Variants in ERG observed in about 807,000 individuals in gnomAD.
The protein encoded by ERG is ETS transcription factor ERG.
A neutral mutation model predicts 55.3 loss-of-function variants in ERG; 9 were observed. That is an observed-to-expected ratio of 0.16 (90% CI 0.10 to 0.28). The LOEUF (loss-of-function observed/expected upper bound fraction) is 0.28, where lower values mean the gene tolerates loss of function less well. ERG is among the 10% of genes least tolerant of loss of function. The pLI is 1.00. For synonymous variants in ERG, 223 were observed against 237.3 expected, an observed-to-expected ratio of 0.94 and a Z score of 0.55; for missense variants, 434 against 631.6, an observed-to-expected ratio of 0.69 and a Z score of 3.35.
At position 38,632,414 on chromosome 21, in the gene ERG, C is replaced by T. The variant is rs575550609; in HGVS notation, c.-150+29244G>A. On this transcript the variant is annotated intron_variant, in intron 1 of 10. Transcript: ENST00000398910. ...GTAGAGGAGGTAGAACCCTTATGCA[C>T]TGTTGATGGGTGATAGGGTTTGGAT... Among the ~76,000 whole-genome samples, 34 of 152,234 alleles carry T rather than the reference C, an allele frequency of 2.2e-4. 1 individual carries two copies. Among genetic ancestry groups the T allele is most frequent in the African/African-American group, 7.2e-4 (30 of 41,512 alleles).
intron 1 of ERG, among the ~76,000 whole-genome samples, chr21:38,487,962 T>C (rs1478467814): frequency 2.6e-5 from 4 of 152,132 alleles, no homozygotes; most frequent in Non-Finnish European, 5.9e-5. Context: ...ATTCGTGCAA[T>C]AACATCTACG....
At chr21:38,553,630 A>G (rs1326711967) in intron 2 of ERG, among the ~76,000 whole-genome samples, 2 of 152,222 alleles carry the variant, frequency 1.3e-5, no homozygotes, top group East Asian at 3.8e-4. Flanking sequence ...AGCTAGCCAT[A>G]TGCAGAAGAT....
At chr21:38,487,218 A>G (rs942186717) in intron 1 of ERG, among the ~76,000 whole-genome samples, 13 of 150,694 alleles carry the variant, frequency 8.6e-5, no homozygotes, top group Non-Finnish European at 1.8e-4. Flanking sequence ...ATTATTCTTT[A>G]AAAAGGATAC....
chr21:38,588,473 T>C (rs2060080523), upstream of ERG, among the ~76,000 whole-genome samples: 1 of 152,196 alleles, frequency 6.6e-6, no homozygotes, highest in African/African-American at 2.4e-5. Flanking sequence ...TGGCCAAAGC[T>C]GAACACATCT....
intron 1 of ERG, among the ~76,000 whole-genome samples, chr21:38,493,044 T>A (rs1415871629): frequency 6.6e-6 from 1 of 152,188 alleles, no homozygotes; most frequent in African/African-American, 2.4e-5. Context: ...GGAGAACTGG[T>A]ATAATCCTTC....
chr21:38,631,362 A>T (rs1459719397), intron 1 of ERG, among the ~76,000 whole-genome samples: 2 of 151,188 alleles, frequency 1.3e-5, no homozygotes, highest in Non-Finnish European at 3.0e-5. Flanking sequence ...AATTTGGTTG[A>T]AAAAAAAAGG....
At chr21:38,485,461 CTTTT>C (rs34211335) in intron 1 of ERG, among the ~76,000 whole-genome samples, 1 of 130,386 alleles carries the variant, frequency 7.7e-6, no homozygotes, top group African/African-American at 2.8e-5. Context: ...AATATACAGT[CTTTT>C]TTTTTTTTTT....
At chr21:38,648,205 C>A (rs1213996131) in intron 1 of ERG, among the ~76,000 whole-genome samples, 1 of 152,184 alleles carries the variant, frequency 6.6e-6, no homozygotes, top group Non-Finnish European at 1.5e-5. Flanking sequence ...GCAAACGTAA[C>A]TAATTCTGAT....
chr21:38,599,426 AG>A (rs1302368757), intron 1 of ERG, among the ~76,000 whole-genome samples: 2 of 152,190 alleles, frequency 1.3e-5, no homozygotes, highest in Non-Finnish European at 2.9e-5. Flanking sequence ...TCCATGAACA[AG>A]GGGCAGCTTT....
chr21:38,521,606 G>A (rs1221659014), intron 2 of ERG, among the ~76,000 whole-genome samples: 1 of 152,138 alleles, frequency 6.6e-6, no homozygotes, highest in Non-Finnish European at 1.5e-5. Context: ...TAAAATGAGA[G>A]AGGAACCTGG....
intron 1 of ERG, among the ~76,000 whole-genome samples, chr21:38,590,784 G>T (rs954959449): frequency 6.6e-6 from 1 of 152,194 alleles, no homozygotes; most frequent in Non-Finnish European, 1.5e-5. Context: ...GTTGGGCTTT[G>T]CCAATGAGTT....
rs150030803 is a variant in ERG at position 38,450,740 on chromosome 21, A to C, written c.19-5119T>G. ...GATACACCACTTGTCACATTTTATC[A>C]GCTCTGAAATATGAAAATGAAAGGC... On this transcript the variant is annotated intron_variant, in intron 1 of 9. Coordinates refer to ENST00000288319, the MANE Select transcript of ERG (RefSeq NM_182918.4). The C allele has an allele frequency of 9.3e-5, 32 of 344,740 alleles. No homozygotes were observed. In the East Asian group the frequency reaches 2.4e-3, roughly 26 times the overall value. The allele number at this position is 344,740 out of a possible 1,614,324, so 21.4% of individuals were successfully genotyped here. A position where few individuals can be genotyped will look rare whatever the true frequency, so the allele number is the denominator to read the frequency against.
intron 1 of ERG, among the ~76,000 whole-genome samples, chr21:38,612,142 A>T (rs1193272134): frequency 6.6e-6 from 1 of 152,226 alleles, no homozygotes. Flanking sequence ...CTGAAGATCC[A>T]GCGACGTCCT....
At chr21:38,526,601 T>A (rs746868672) in intron 2 of ERG, among the ~76,000 whole-genome samples, 11 of 152,142 alleles carry the variant, frequency 7.2e-5, no homozygotes, top group Non-Finnish European at 1.6e-4. Context: ...ACTTAAAGAT[T>A]TATATATAAA....
chr21:38,455,115 TTTC>T (rs1218470762), intron 1 of ERG, among the ~76,000 whole-genome samples: 42 of 19,018 alleles, frequency 2.2e-3, no homozygotes, highest in African/African-American at 5.5e-3. Context: ...TCTTTCTTTC[TTTC>T]TTTTTTTTTT....
At chr21:38,455,830 T>G (rs556020225) in intron 1 of ERG, among the ~76,000 whole-genome samples, 1 of 147,452 alleles carries the variant, frequency 6.8e-6, no homozygotes, top group Admixed American at 6.8e-5. Context: ...GGGGTGGGGG[T>G]GTCAAAACAG....
intron 1 of ERG, among the ~76,000 whole-genome samples, chr21:38,459,435 G>A (rs547143285): frequency 1.3e-4 from 20 of 152,214 alleles, no homozygotes; most frequent in Non-Finnish European, 2.6e-4. Context: ...AGAACAATCT[G>A]AGGGCATGGT....
intron 2 of ERG, among the ~76,000 whole-genome samples, chr21:38,555,372 T>C (rs1425533834): frequency 6.6e-6 from 1 of 151,606 alleles, no homozygotes; most frequent in Non-Finnish European, 1.5e-5. Context: ...CTATAAAAAA[T>C]AGTTTTGGTT....
At chr21:38,471,139 A>G (rs1253194491) in intron 1 of ERG, 1 of 152,242 alleles carries the variant, frequency 6.6e-6, no homozygotes, top group Non-Finnish European at 1.5e-5. Flanking sequence ...TATGGAGTTT[A>G]GTGATAAAAA....
Sources: allele counts gnomAD v4.1 joint callset (sites outside exome capture counted in the v4.1 genomes callset), GRCh38; gene constraint gnomAD v4.1.1; transcripts MANE v1.5; gene names NCBI Gene and HGNC (gene_info 2026-07-23, HGNC 2026-07-21).